The following PCDH15 variants were observed in gnomAD, a reference collection of about 807,000 sequenced individuals.
PCDH15 encodes the protein protocadherin-15.
A neutral mutation model predicts 178.5 loss-of-function variants in PCDH15; 129 were observed. The ratio of observed to expected loss-of-function variants is 0.72; its 90% CI spans 0.63 to 0.84. The LOEUF is 0.84. Ranked by LOEUF, PCDH15 falls within the 40% of genes least tolerant of loss-of-function variation. The pLI, the probability that PCDH15 is intolerant of heterozygous loss-of-function variation, is 0.00. For synonymous variants in PCDH15, 800 were observed against 732.0 expected, an observed-to-expected ratio of 1.09 and a Z score of -1.50; for missense variants, 2,230 against 2,099.9, an observed-to-expected ratio of 1.06 and a Z score of -1.21.
At chr10:55,017,167 C>T (rs973170142) in intron 2 of PCDH15, among the ~76,000 whole-genome samples, 1 of 152,100 alleles carries the variant, frequency 6.6e-6, no homozygotes, top group Non-Finnish European at 1.5e-5. Context: ...AAAAGACAGA[C>T]AAATGTATTT....
At chr10:54,418,986 A>G (rs1954847217) in intron 3 of PCDH15, among the ~76,000 whole-genome samples, 1 of 151,966 alleles carries the variant, frequency 6.6e-6, no homozygotes, top group Non-Finnish European at 1.5e-5. Context: ...ACACATAAAA[A>G]CCAATATTAA....
chr10:54,958,969 T>C (rs545581616), intron 2 of PCDH15, among the ~76,000 whole-genome samples: 1 of 152,026 alleles, frequency 6.6e-6, no homozygotes, highest in East Asian at 1.9e-4. Flanking sequence ...CGTGAGGAAA[T>C]ACTATACAAA....
chr10:54,237,972 C>T (rs1158623124), intron 8 of PCDH15, among the ~76,000 whole-genome samples: 2 of 152,088 alleles, frequency 1.3e-5, no homozygotes, highest in Non-Finnish European at 2.9e-5. Flanking sequence ...ACCCATTAAC[C>T]TGTTTTTGAA....
At chr10:55,441,459 G>C (rs1839182441) in intron 2 of PCDH15, among the ~76,000 whole-genome samples, 1 of 62,670 alleles carries the variant, frequency 1.6e-5, no homozygotes, top group Non-Finnish European at 2.5e-5. Flanking sequence ...AGAAAGGAAG[G>C]AAGGAAACCA....
At chr10:54,998,616 A>G (rs1358659883) in intron 2 of PCDH15, among the ~76,000 whole-genome samples, 1 of 152,188 alleles carries the variant, frequency 6.6e-6, no homozygotes. Context: ...TATGAAGGTA[A>G]AATAAGAAAT....
At chr10:54,422,159 T>C (rs867226890) in intron 3 of PCDH15, among the ~76,000 whole-genome samples, 4 of 151,666 alleles carry the variant, frequency 2.6e-5, no homozygotes, top group African/African-American at 9.7e-5. Context: ...TGCAAGAGCA[T>C]AGGAGAAAGT....
At chr10:54,488,902 GA>G (rs2079335650) in intron 3 of PCDH15, among the ~76,000 whole-genome samples, 1 of 151,958 alleles carries the variant, frequency 6.6e-6, no homozygotes, top group Non-Finnish European at 1.5e-5. Context: ...AGTTAATACT[GA>G]AAGCATAAAG....
intron 1 of PCDH15, among the ~76,000 whole-genome samples, chr10:55,171,852 C>CTAAA (rs1426910684): frequency 6.6e-6 from 1 of 151,538 alleles, no homozygotes; most frequent in Non-Finnish European, 1.5e-5. Context: ...TGTTGAATGG[C>CTAAA]TAAATAGTAG....
chr10:53,820,080 T>TA (rs2076202675), intron 33 of PCDH15, 85 bp downstream of exon 33: 1 of 395,934 alleles, frequency 2.5e-6, no homozygotes, highest in African/African-American at 2.1e-5. Flanking sequence ...CAAGAAATTA[T>TA]AAATTTTACA....
chr10:55,471,852 C>T (rs938068933), intron 2 of PCDH15, among the ~76,000 whole-genome samples: 1 of 152,144 alleles, frequency 6.6e-6, no homozygotes, highest in Non-Finnish European at 1.5e-5. Context: ...CCCTTATATG[C>T]AGGACTATTT....
Position 53,806,479 on chromosome 10 carries a change from AT to A in PCDH15, c.*99del. On this transcript the variant is annotated 3_prime_UTR_variant, in exon 38 of 38. Transcript: ENST00000644397. Reference sequence around the variant, plus strand: ...TTGTTCAAAGTTTTAGCTTGTGTGCATGATATAAATTCCATACATTGTTTTC... The same window carrying A: ...TTGTTCAAAGTTTTAGCTTGTGTGCAGATATAAATTCCATACATTGTTTTC... The A allele has an allele frequency of 9.9e-7, 1 of 1,014,954 alleles. No individual in the cohort carries two copies. 62.9% of individuals were successfully genotyped at this position (1,014,954 alleles called of 1,614,324 possible).
intron 2 of PCDH15, among the ~76,000 whole-genome samples, chr10:55,495,585 C>T (rs1840514881): frequency 6.6e-6 from 1 of 151,764 alleles, no homozygotes; most frequent in Non-Finnish European, 1.5e-5. Context: ...TATTCAAAAG[C>T]ACATAATAAC....
intron 8 of PCDH15, among the ~76,000 whole-genome samples, chr10:54,314,108 T>A (rs899582693): frequency 5.7e-5 from 8 of 139,490 alleles, no homozygotes; most frequent in Admixed American, 3.0e-4. Context: ...TTTTTTATAT[T>A]TAAAAGGATT....
At chr10:55,533,411 CA>C (rs1841501087) in intron 2 of PCDH15, among the ~76,000 whole-genome samples, 1 of 151,952 alleles carries the variant, frequency 6.6e-6, no homozygotes, top group South Asian at 2.1e-4. Flanking sequence ...GTAGAAAAAT[CA>C]GTAACATTTC....
At chr10:54,926,600 T>C (rs1392946280) in intron 2 of PCDH15, among the ~76,000 whole-genome samples, 1 of 151,906 alleles carries the variant, frequency 6.6e-6, no homozygotes, top group Non-Finnish European at 1.5e-5. Flanking sequence ...TTTTTAGATT[T>C]GTAGGCTATT....
chr10:53,971,151 G>A (rs529665914), intron 21 of PCDH15, among the ~76,000 whole-genome samples: 11 of 152,154 alleles, frequency 7.2e-5, no homozygotes, highest in East Asian at 3.9e-4. Context: ...ATCAATAAAC[G>A]TAATGCAGCA....
intron 1 of PCDH15, among the ~76,000 whole-genome samples, chr10:54,732,368 A>G (rs1366607546): frequency 6.6e-6 from 1 of 151,446 alleles, no homozygotes; most frequent in African/African-American, 2.4e-5. Context: ...GGACATCACT[A>G]TAGAACTTAA....
intron 8 of PCDH15, among the ~76,000 whole-genome samples, chr10:54,307,983 T>C (rs2060657947): frequency 6.6e-6 from 1 of 152,062 alleles, no homozygotes; most frequent in Non-Finnish European, 1.5e-5. Context: ...GCATGCTTCA[T>C]AAATCTTCTT....
chr10:53,806,578 G>C lies in PCDH15; in HGVS notation c.*1C>G. The C allele has an allele frequency of 6.3e-7, 1 of 1,577,890 alleles. No individual in the cohort carries two copies. The highest frequency in any genetic ancestry group is 1.2e-5 in the South Asian group (1 of 84,730). On this transcript the variant is annotated 3_prime_UTR_variant, in exon 38 of 38. Coordinates refer to ENST00000644397, the MANE Select transcript of PCDH15 (RefSeq NM_001384140.1). ...AATTAAAATATCTTTTAAAAAATTGGTCACAGTTTTGTCATTGGTATATGG... is the reference window on the plus strand; with the variant it reads ...AATTAAAATATCTTTTAAAAAATTGCTCACAGTTTTGTCATTGGTATATGG...
Sources: allele counts gnomAD v4.1 joint callset (sites outside exome capture counted in the v4.1 genomes callset), GRCh38; gene constraint gnomAD v4.1.1; transcripts MANE v1.5; gene names NCBI Gene and HGNC (gene_info 2026-07-23, HGNC 2026-07-21).